EZH1: variants seen among roughly 807,000 people sequenced by gnomAD.
EZH1 encodes histone-lysine N-methyltransferase EZH1.
In EZH1, 33 loss-of-function variants were observed where a neutral mutation model predicts 100.5. The observed-to-expected ratio is 0.33, with a 90% CI of 0.25 to 0.44. The LOEUF (loss-of-function observed/expected upper bound fraction) is 0.44. EZH1 is among the 20% of genes least tolerant of loss of function. EZH1 has a pLI of 1.00. For missense variants in EZH1, 475 were observed against 928.4 expected, an observed-to-expected ratio of 0.51 and a Z score of 6.35; for synonymous variants, 272 against 313.8, an observed-to-expected ratio of 0.87 and a Z score of 1.41.
At chr17:42,720,066 A>T (rs2143794700) in intron 7 of EZH1, among the ~76,000 whole-genome samples, 1 of 152,336 alleles carries the variant, frequency 6.6e-6, no homozygotes, top group Admixed American at 6.5e-5. Flanking sequence ...AGAAATGAAT[A>T]GCAATGATTA....
At chr17:42,744,470 CCT>C (rs1210770608) in intron 1 of EZH1, among the ~76,000 whole-genome samples, 1 of 152,114 alleles carries the variant, frequency 6.6e-6, no homozygotes. Context: ...CTTGCGCGAC[CCT>C]GAGTCAGTGC....
chr17:42,709,586 G>A, intron 13 of EZH1: 1 of 383,572 alleles, frequency 2.6e-6, no homozygotes, highest in South Asian at 5.2e-5. Context: ...GCCAGCTCAT[G>A]TCCTATTGGC....
rs1012702739 is a variant in EZH1, at chr17:42,702,148, G to C, written c.*384C>G. ...GCATCCCAATAACATAAGGACTCTTGATGTGGAAAGCTACAATTACAGGCT... is the reference window on the plus strand; with the variant it reads ...GCATCCCAATAACATAAGGACTCTTCATGTGGAAAGCTACAATTACAGGCT... On this transcript the variant is annotated 3_prime_UTR_variant, in exon 21 of 21. Coordinates refer to ENST00000428826, the MANE Select transcript of EZH1 (RefSeq NM_001991.5). 3 of 186,986 alleles carry C rather than the reference G, an allele frequency of 1.6e-5. No homozygotes were observed. Among genetic ancestry groups the C allele is most frequent in the African/African-American group, 7.0e-5 (3 of 42,938 alleles). The allele number at this position is 186,986 out of a possible 1,614,324, so 11.6% of individuals were successfully genotyped here. A position where few individuals can be genotyped will look rare whatever the true frequency, so the allele number is the denominator to read the frequency against.
intron 1 of EZH1, 46 bp downstream of exon 1, chr17:42,744,965 G>C (rs1177701069): frequency 8.0e-7 from 1 of 1,254,606 alleles, no homozygotes; most frequent in Non-Finnish European, 1.0e-6. Flanking sequence ...GGCGAGGGGA[G>C]GAGGCCCGGC....
chr17:42,720,669 TA>T (rs10709809), intron 6 of EZH1, among the ~76,000 whole-genome samples: 6,631 of 152,236 alleles, frequency 0.044, 203 homozygotes, highest in Non-Finnish European at 0.067. Context: ...TTATTTTTAT[TA>T]TTTTTTTTAG....
intron 6 of EZH1, among the ~76,000 whole-genome samples, chr17:42,720,737 G>A (rs1022407451): frequency 4.6e-5 from 7 of 152,018 alleles, no homozygotes; most frequent in South Asian, 2.1e-4. Context: ...TTGGCTCACC[G>A]CAACCTCCAC....
rs531306090 is a variant in EZH1, at chr17:42,702,972, G to C, written c.2099-11C>G. The stretch of plus-strand genomic sequence containing the variant: ...CATTCACCATGACCACTGCAAGCAG[G>C]ATAAACCCGAGGCTAGGTTCCTACC... On this transcript the variant is annotated splice_polypyrimidine_tract_variant and intron_variant, in intron 19 of 20. Coordinates refer to ENST00000428826, the MANE Select transcript of EZH1 (RefSeq NM_001991.5). The C allele has an allele frequency of 4.8e-5, 77 of 1,613,794 alleles. No individual in the cohort carries two copies. Among genetic ancestry groups the C allele is most frequent in the Non-Finnish European group, 6.4e-5 (75 of 1,179,956 alleles).
intron 2 of EZH1, 194 bp from the exon 3 acceptor site, chr17:42,729,146 C>A: frequency 2.1e-6 from 1 of 469,784 alleles, no homozygotes. Context: ...GGGGCTCACA[C>A]CTGTAAAACC....
At chr17:42,713,411 C>T (rs752041145) in intron 10 of EZH1, 22 bp from the exon 11 acceptor site, 5 of 1,575,048 alleles carry the variant, frequency 3.2e-6, no homozygotes, top group Non-Finnish European at 4.3e-6. Flanking sequence ...ACATTACAGA[C>T]AGGAAATAGG....
intron 13 of EZH1, 65 bp from the exon 14 acceptor site, chr17:42,708,981 T>A: frequency 6.3e-7 from 1 of 1,577,946 alleles, no homozygotes; most frequent in East Asian, 2.2e-5. Context: ...TGCAGGTAAA[T>A]GACAACGTGA....
At chr17:42,736,321 T>C (rs1187119891) in intron 1 of EZH1, among the ~76,000 whole-genome samples, 5 of 152,160 alleles carry the variant, frequency 3.3e-5, no homozygotes, top group African/African-American at 1.2e-4. Flanking sequence ...TAATTATTTA[T>C]CCAAGAGAAT....
At position 42,718,070 on chromosome 17, in the gene EZH1, G is replaced by A. The variant is rs763124004; in HGVS notation, c.932-3C>T. The A allele has an allele frequency of 6.2e-7, 1 of 1,613,706 alleles. No individual in the cohort carries two copies. The highest frequency in any genetic ancestry group is 1.1e-5 in the South Asian group (1 of 91,044). On this transcript the variant is annotated splice_polypyrimidine_tract_variant and splice_region_variant and intron_variant, in intron 9 of 20. Transcript: ENST00000428826. The surrounding 1 kb of genome is among the most constrained non-coding windows in gnomAD (Gnocchi z 4.2). ...TACATTAGGGGTGGCATGAAAAGCT[G>A]GAAAACAAAAACTGTCTTGTTGCCA...
intron 15 of EZH1, among the ~76,000 whole-genome samples, chr17:42,707,630 A>G (rs2053385181): frequency 6.6e-6 from 1 of 152,016 alleles, no homozygotes; most frequent in African/African-American, 2.4e-5. Flanking sequence ...CCTGACCTCA[A>G]GTGATCCGCC....
At chr17:42,738,252 C>G (rs926909410) in intron 1 of EZH1, among the ~76,000 whole-genome samples, 1 of 151,092 alleles carries the variant, frequency 6.6e-6, no homozygotes, top group Non-Finnish European at 1.5e-5. Context: ...ACAAAAGTTC[C>G]AAACTATTAA....
chr17:42,709,946 G>C lies in EZH1; in HGVS notation c.1402-9C>G. 6.2e-7 allele frequency: 1 copy of C among 1,613,882 alleles called. No homozygotes were observed. Among genetic ancestry groups the C allele is most frequent in the Non-Finnish European group, 8.5e-7 (1 of 1,179,732 alleles). On this transcript the variant is annotated splice_polypyrimidine_tract_variant and intron_variant, in intron 12 of 20. Coordinates refer to ENST00000428826, the MANE Select transcript of EZH1 (RefSeq NM_001991.5). The stretch of plus-strand genomic sequence containing the variant: ...ACTGCAAACTGAAAGACCTGGAAGA[G>C]AAATCCAACGGGCCTGTCACTCCTC...
In EZH1 at chr17:42,718,342, A is replaced by G; in HGVS notation, c.931+112T>C. The G allele has an allele frequency of 2.1e-6, 3 of 1,401,294 alleles. No individual in the cohort carries two copies. The highest frequency in any genetic ancestry group is 2.9e-6 in the Non-Finnish European group (3 of 1,038,262). 86.8% of individuals were successfully genotyped at this position (1,401,294 alleles called of 1,614,324 possible). A position where few individuals can be genotyped will look rare whatever the true frequency, so the allele number is the denominator to read the frequency against. ...GGAAAATAGAACTGGCCCTTTGTAA[A>G]ACGTTAGAACAGAAGCCAGGAACTC... On this transcript the variant is annotated intron_variant, in intron 9 of 20. Coordinates refer to ENST00000428826, the MANE Select transcript of EZH1 (RefSeq NM_001991.5). This position sits in a 1 kb window ranked among gnomAD's most constrained non-coding sequence, Gnocchi z 4.2.
Position 42,718,056 on chromosome 17 carries a change from T to A in EZH1, c.943A>T (p.Thr315Ser). 1 of 1,614,038 alleles carries A rather than the reference T, an allele frequency of 6.2e-7. No homozygotes were observed. Reference protein sequence around the residue: ...YDCFLHPFHATPNVYKRKNKE... With the variant: ...YDCFLHPFHASPNVYKRKNKE... The stretch of plus-strand genomic sequence containing the variant: ...TTCTTGCGTTTATATACATTAGGGG[T>A]GGCATGAAAAGCTGGAAAACAAAAA... Residue 315 changes from threonine (T) to serine (S), a missense_variant, in exon 10 of 21, where the codon ACC becomes TCC. Thr to Ser is a moderately conservative substitution (Grantham distance 58). This residue lies in a region of EZH1 where 180 missense variants were observed against 295.3 expected (regional missense o/e 0.61). Coordinates refer to ENST00000428826, the MANE Select transcript of EZH1 (RefSeq NM_001991.5). This position sits in a 1 kb window ranked among gnomAD's most constrained non-coding sequence, Gnocchi z 4.2.
chr17:42,725,153 G>A (rs927325677), intron 4 of EZH1, among the ~76,000 whole-genome samples: 3 of 152,014 alleles, frequency 2.0e-5, no homozygotes, highest in South Asian at 2.1e-4. Flanking sequence ...GCGACATAGC[G>A]ATACTCCGTC....
At chr17:42,717,017 T>C (rs567299992) in intron 10 of EZH1, among the ~76,000 whole-genome samples, 2 of 152,268 alleles carry the variant, frequency 1.3e-5, no homozygotes, top group African/African-American at 4.8e-5. Context: ...GGAGTAATTT[T>C]AAAAGCATGA....
Sources: gnomAD v4.1 joint callset for allele counts (sites outside exome capture counted in the v4.1 genomes callset) on GRCh38, gnomAD v4.1.1 for gene constraint, gnomAD v4.1.1 regional missense constraint, Gnocchi (gnomAD v3.1) non-coding constraint, MANE v1.5 for transcripts, NCBI Gene and HGNC (gene_info 2026-07-23, HGNC 2026-07-21) for gene names.